Variants in PKHD1L1 observed in about 807,000 individuals in gnomAD.
The protein encoded by PKHD1L1 is fibrocystin-L.
Under a neutral mutation model 462.9 loss-of-function variants are expected in PKHD1L1, and 434 were observed. The observed-to-expected ratio is 0.94, with a 90% CI of 0.87 to 1.02. The LOEUF (loss-of-function observed/expected upper bound fraction) is 1.02. Ranked by LOEUF, PKHD1L1 falls within the 50% of genes least tolerant of loss-of-function variation. PKHD1L1 has a pLI of 0.00. For synonymous variants in PKHD1L1, 1,781 were observed against 1,750.0 expected, an observed-to-expected ratio of 1.02 and a Z score of -0.44; for missense variants, 5,202 against 5,096.1, an observed-to-expected ratio of 1.02 and a Z score of -0.63.
intron 53 of PKHD1L1, among the ~76,000 whole-genome samples, chr8:109,479,329 C>T (rs1818154075): frequency 6.6e-6 from 1 of 152,080 alleles, no homozygotes; most frequent in Non-Finnish European, 1.5e-5. Flanking sequence ...AGAGACCATC[C>T]TTCTACCCCT....
intron 2 of PKHD1L1, among the ~76,000 whole-genome samples, chr8:109,366,175 T>C (rs971555134): frequency 6.6e-6 from 1 of 152,210 alleles, no homozygotes; most frequent in Non-Finnish European, 1.5e-5. Context: ...TTCTTTTGTG[T>C]GGACGTTCTG....
At chr8:109,434,832 T>C (rs1168277392) in intron 28 of PKHD1L1, among the ~76,000 whole-genome samples, 1 of 152,154 alleles carries the variant, frequency 6.6e-6, no homozygotes, top group Non-Finnish European at 1.5e-5. Context: ...TCAGACATAA[T>C]ATGTTTGACC....
At chr8:109,410,726 C>CTTTTTTTTTTTTTTTTTGTTTTTTTTTTT (rs1813799892) in intron 19 of PKHD1L1, among the ~76,000 whole-genome samples, 4 of 68,388 alleles carry the variant, frequency 5.8e-5, no homozygotes, top group South Asian at 5.0e-4. Context: ...TTTTCTTTTT[C>CTTTTTTTTTTTTTTTTTGTTTTTTTTTTT]TTTTTTTTTT....
chr8:109,500,673 C>CAAAAAAAAAAAAAAAAAAA (rs34827783), intron 67 of PKHD1L1, among the ~76,000 whole-genome samples: 1 of 47,196 alleles, frequency 2.1e-5, no homozygotes, highest in African/African-American at 8.1e-5. Context: ...AACTCTGTCT[C>CAAAAAAAAAAAAAAAAAAA]AAAAAAAAAA....
intron 77 of PKHD1L1, among the ~76,000 whole-genome samples, chr8:109,529,753 C>T (rs1045202844): frequency 4.6e-5 from 7 of 151,980 alleles, no homozygotes; most frequent in African/African-American, 1.7e-4. Context: ...GATTAAAATG[C>T]TGGGTTCTTT....
intron 2 of PKHD1L1, among the ~76,000 whole-genome samples, chr8:109,366,162 C>G (rs1023164724): frequency 6.6e-6 from 1 of 152,112 alleles, no homozygotes; most frequent in African/African-American, 2.4e-5. Context: ...AAAATGTAGT[C>G]TTTTCTTTTG....
At position 109,436,276 on chromosome 8, in the gene PKHD1L1, A is replaced by C. The variant is rs1017399033; in HGVS notation, c.3506-62A>C. On this transcript the variant is annotated intron_variant, in intron 29 of 77. Coordinates refer to ENST00000378402, the MANE Select transcript of PKHD1L1 (RefSeq NM_177531.6). The stretch of plus-strand genomic sequence containing the variant: ...AGACAATTCTCAAAAAATGTTACTA[A>C]CATTTCTTTTTGTTATAGTTGAACT... 24 of 1,521,156 alleles carry C rather than the reference A, an allele frequency of 1.6e-5. 1 individual carries two copies. Among genetic ancestry groups the C allele is most frequent in the Admixed American group, 3.9e-5 (2 of 51,812 alleles). 94.2% of individuals were successfully genotyped at this position (1,521,156 alleles called of 1,614,324 possible). A position where few individuals can be genotyped will look rare whatever the true frequency, so the allele number is the denominator to read the frequency against.
chr8:109,408,086 G>A lies in PKHD1L1; in HGVS notation c.1851G>A (p.Gly617=), dbSNP rs750140687. ...FDLLGYEVVE[G]NNVTLDITEQ... ...TGCTTGGTTATGAAGTAGTTGAAGG[G>A]AATAATGTCACACTGGATATTACAG... is the stretch of plus-strand genomic sequence containing the variant. Residue 617 remains glycine (G), a synonymous_variant, in exon 18 of 78, where the codon GGG becomes GGA. Transcript: ENST00000378402. 1.2e-6 allele frequency: 2 copies of A among 1,612,246 alleles called. No individual in the cohort carries two copies. The highest frequency in any genetic ancestry group is 1.1e-5 in the South Asian group (1 of 90,830).
intron 76 of PKHD1L1, among the ~76,000 whole-genome samples, chr8:109,524,196 C>T (rs1048690643): frequency 2.0e-5 from 3 of 152,040 alleles, no homozygotes; most frequent in African/African-American, 7.2e-5. Context: ...CAACTCAGGG[C>T]CTATTTAAGA....
At chr8:109,529,516 A>T (rs1194112093) in intron 77 of PKHD1L1, among the ~76,000 whole-genome samples, 1 of 152,168 alleles carries the variant, frequency 6.6e-6, no homozygotes, top group East Asian at 1.9e-4. Context: ...GCATTGCCTC[A>T]TTAAGTGCAA....
At chr8:109,490,305 A>G (rs993879154) in intron 60 of PKHD1L1, among the ~76,000 whole-genome samples, 3 of 151,794 alleles carry the variant, frequency 2.0e-5, no homozygotes, top group Non-Finnish European at 4.4e-5. Flanking sequence ...AAGATCTATA[A>G]TAGTGGTTTA....
At chr8:109,457,346 G>A (rs114816515) in intron 46 of PKHD1L1, among the ~76,000 whole-genome samples, 68 of 152,052 alleles carry the variant, frequency 4.5e-4, no homozygotes, top group African/African-American at 1.6e-3. Flanking sequence ...TTATATAATG[G>A]CAAAATTAAA....
intron 57 of PKHD1L1, among the ~76,000 whole-genome samples, chr8:109,483,902 T>C (rs1048353484): frequency 7.9e-5 from 12 of 151,824 alleles, no homozygotes; most frequent in African/African-American, 2.9e-4. Flanking sequence ...TCATCTCTAC[T>C]GTGCTCATAA....
intron 2 of PKHD1L1, among the ~76,000 whole-genome samples, chr8:109,378,011 G>A (rs141508663): frequency 2.9e-4 from 44 of 151,952 alleles, no homozygotes; most frequent in African/African-American, 6.8e-4. Context: ...TAGATATCCC[G>A]TCAGCATGCA....
intron 30 of PKHD1L1, among the ~76,000 whole-genome samples, chr8:109,437,201 A>G (rs896164857): frequency 2.0e-5 from 3 of 152,296 alleles, no homozygotes; most frequent in East Asian, 3.9e-4. Flanking sequence ...GACGTGAGCC[A>G]CCACGCCTGG....
At chr8:109,412,952 G>A (rs1813936105) in intron 20 of PKHD1L1, among the ~76,000 whole-genome samples, 1 of 151,982 alleles carries the variant, frequency 6.6e-6, no homozygotes, top group Non-Finnish European at 1.5e-5. Flanking sequence ...GCATGCTTAA[G>A]GACTTGGGGA....
chr8:109,457,498 A>G (rs1166294233), intron 46 of PKHD1L1, among the ~76,000 whole-genome samples: 1 of 152,164 alleles, frequency 6.6e-6, no homozygotes, highest in Non-Finnish European at 1.5e-5. Flanking sequence ...CTAATTGTTC[A>G]CTGTGTCATT....
At position 109,459,753 on chromosome 8, in the gene PKHD1L1, T is replaced by C. The variant is rs1199729641; in HGVS notation, c.7163T>C (p.Leu2388Pro). Residue 2388 changes from leucine (L) to proline (P), a missense_variant, in exon 47 of 78, where the codon CTT becomes CCT. Transcript: ENST00000378402. ...GAAGCAAGAGCAGAAGTTGGAATTC[T>C]TACAAGAAATATTTTAATAAGAGGA... Reference protein sequence around the residue: ...LFEARAEVGILTRNILIRGSD... With the variant: ...LFEARAEVGIPTRNILIRGSD... The C allele has an allele frequency of 6.2e-7, 1 of 1,611,594 alleles. No homozygotes were observed. Among genetic ancestry groups the C allele is most frequent in the East Asian group, 2.2e-5 (1 of 44,744 alleles).
At chr8:109,512,531 C>A (rs1487991296) in intron 71 of PKHD1L1, among the ~76,000 whole-genome samples, 1 of 151,934 alleles carries the variant, frequency 6.6e-6, no homozygotes, top group Non-Finnish European at 1.5e-5. Flanking sequence ...TTTCTGAGGG[C>A]TCTGTTCTGT....
Sources: gnomAD v4.1 joint callset for allele counts (sites outside exome capture counted in the v4.1 genomes callset) on GRCh38, gnomAD v4.1.1 for gene constraint, MANE v1.5 for transcripts, NCBI Gene and HGNC (gene_info 2026-07-23, HGNC 2026-07-21) for gene names.